MALRD1: variants seen among roughly 807,000 people sequenced by gnomAD.
MALRD1 encodes MAM and LDL receptor class A domain containing 1.
A neutral mutation model predicts 242.1 loss-of-function variants in MALRD1; 247 were observed. The observed-to-expected ratio is 1.02, with a 90% confidence interval of 0.92 to 1.13. MALRD1 has a LOEUF of 1.13. Among genes scored for constraint, MALRD1 ranks in the 50% most tolerant of loss-of-function variants. The probability of loss-of-function intolerance (pLI) is 0.00; values close to 1 mark genes in which losing one functional copy is unlikely to be tolerated. For missense variants in MALRD1, 2,989 were observed against 2,533.1 expected (o/e 1.18, Z -3.86); for synonymous variants, 995 against 866.6 (o/e 1.15, Z -2.60).
chr10:19,271,913 G>A (rs74392178), intron 19 of MALRD1, among the ~76,000 whole-genome samples: 3,548 of 152,158 alleles, frequency 0.023, 122 homozygotes, highest in East Asian at 0.17. Flanking sequence ...TGAGAGATGA[G>A]CAATGAGGGG....
chr10:19,556,426 C>G (rs1016047945), intron 32 of MALRD1, among the ~76,000 whole-genome samples: 1 of 152,066 alleles, frequency 6.6e-6, no homozygotes, highest in African/African-American at 2.4e-5. Flanking sequence ...TTTGCTCCAC[C>G]TATTTATCCC....
At chr10:19,162,989 T>A (rs564123052) in intron 12 of MALRD1, among the ~76,000 whole-genome samples, 2 of 150,696 alleles carry the variant, frequency 1.3e-5, no homozygotes, top group South Asian at 2.1e-4. Flanking sequence ...TAAAAAAAAA[T>A]TAGCTGGGTG....
chr10:19,189,806 A>T (rs1835895794), intron 14 of MALRD1, among the ~76,000 whole-genome samples: 1 of 152,100 alleles, frequency 6.6e-6, no homozygotes, highest in Non-Finnish European at 1.5e-5. Context: ...AATAAAAGGA[A>T]ACCACCTCAA....
chr10:19,569,987 C>T (rs1328451751), intron 33 of MALRD1, among the ~76,000 whole-genome samples: 3 of 151,724 alleles, frequency 2.0e-5, no homozygotes, highest in Admixed American at 6.6e-5. Context: ...AAATAACATA[C>T]TAACAATGAA....
intron 28 of MALRD1, among the ~76,000 whole-genome samples, chr10:19,439,033 A>G (rs1469639119): frequency 2.0e-5 from 3 of 151,182 alleles, no homozygotes; most frequent in African/African-American, 7.4e-5. Flanking sequence ...GAGGTCATAG[A>G]TATGTTTACA....
rs117242196 is a variant in MALRD1, at chr10:19,532,134, C to G, written c.5478+783C>G. Among the ~76,000 whole-genome samples the G allele has an allele frequency of 4.4e-3, 675 of 152,246 alleles. 7 individuals are homozygous for G. In the East Asian group the frequency reaches 0.058, roughly 13 times the overall value. On this transcript the variant is annotated intron_variant, in intron 32 of 39. Coordinates refer to ENST00000454679, the MANE Select transcript of MALRD1 (RefSeq NM_001142308.3). Reference sequence around the variant, plus strand: ...GTATCAATTTTAATTCTCACCTTCACCTGATGAGGTAAGTATATTTTTTCC... The same window carrying G: ...GTATCAATTTTAATTCTCACCTTCAGCTGATGAGGTAAGTATATTTTTTCC...
At chr10:19,089,273 GC>G (rs1835802381) in intron 4 of MALRD1, among the ~76,000 whole-genome samples, 1 of 26,148 alleles carries the variant, frequency 3.8e-5, no homozygotes, top group Non-Finnish European at 6.6e-5. Flanking sequence ...TTTAATGATT[GC>G]CATTCTAACT....
Position 19,699,871 on chromosome 10 carries a change from C to A in MALRD1, c.6314+7317C>A, listed in dbSNP as rs541043936. Among the ~76,000 whole-genome samples, 115 of 152,224 alleles carry A rather than the reference C, an allele frequency of 7.6e-4. 1 individual carries two copies. The Middle Eastern group carries it at 0.02, about 27-fold the overall frequency. On this transcript the variant is annotated intron_variant, in intron 38 of 39. Coordinates refer to ENST00000454679, the MANE Select transcript of MALRD1 (RefSeq NM_001142308.3). ...AGTCATGAGGGATCTGCTCCCATGA[C>A]ACAAACACCTCCCACCAGGCCCCAC...
chr10:19,471,122 A>C (rs1028237629), intron 29 of MALRD1, among the ~76,000 whole-genome samples: 7 of 151,708 alleles, frequency 4.6e-5, no homozygotes, highest in Non-Finnish European at 1.0e-4. Flanking sequence ...TTGTAAGATA[A>C]ATGTTCAGTT....
intron 26 of MALRD1, among the ~76,000 whole-genome samples, chr10:19,376,185 C>G (rs1845584337): frequency 6.6e-6 from 1 of 152,162 alleles, no homozygotes; most frequent in African/African-American, 2.4e-5. Flanking sequence ...GTTGATTTCA[C>G]TATTTAAAGA....
chr10:19,611,095 A>G (rs1258292811), intron 35 of MALRD1, among the ~76,000 whole-genome samples: 1 of 152,008 alleles, frequency 6.6e-6, no homozygotes, highest in Non-Finnish European at 1.5e-5. Flanking sequence ...TTAATACCTT[A>G]TACACACCAT....
chr10:19,282,429 T>A lies in MALRD1; in HGVS notation c.3257-590T>A, dbSNP rs765700975. On this transcript the variant is annotated intron_variant, in intron 20 of 39. Coordinates refer to ENST00000454679, the MANE Select transcript of MALRD1 (RefSeq NM_001142308.3). ...CATTGAATGAATATTTCTTTTTTAT[T>A]CAGCAGTGGAAGATTTTAGACACAT... 1.8e-3 allele frequency among the ~76,000 whole-genome samples: 275 copies of A among 152,320 alleles called. 8 individuals carry two copies. The highest frequency in any genetic ancestry group is 5.3e-4 in the Non-Finnish European group (36 of 68,024).
intron 31 of MALRD1, among the ~76,000 whole-genome samples, chr10:19,507,516 A>G (rs902787128): frequency 6.6e-6 from 1 of 151,990 alleles, no homozygotes; most frequent in African/African-American, 2.4e-5. Context: ...ACAATACATA[A>G]TAATAATAAT....
At chr10:19,660,352 C>T (rs1350282916) in intron 36 of MALRD1, among the ~76,000 whole-genome samples, 1 of 152,070 alleles carries the variant, frequency 6.6e-6, no homozygotes, top group Non-Finnish European at 1.5e-5. Context: ...ATTTTATGAC[C>T]AAAAACCAAA....
intron 38 of MALRD1, among the ~76,000 whole-genome samples, chr10:19,693,330 C>T (rs957517698): frequency 4.6e-5 from 7 of 151,886 alleles, no homozygotes; most frequent in African/African-American, 9.7e-5. Flanking sequence ...AAAACCCCAT[C>T]GTCTCAGCCC....
chr10:19,290,922 G>A (rs567477943), intron 21 of MALRD1, among the ~76,000 whole-genome samples: 3 of 152,184 alleles, frequency 2.0e-5, no homozygotes, highest in East Asian at 3.9e-4. Flanking sequence ...TACACAATTA[G>A]TTTAATTGGT....
intron 1 of MALRD1, among the ~76,000 whole-genome samples, chr10:19,064,400 T>C (rs1263308921): frequency 3.3e-5 from 5 of 152,150 alleles, no homozygotes; most frequent in South Asian, 2.1e-4. Flanking sequence ...CAAGGAAAAT[T>C]ATTCAAATTG....
At chr10:19,194,795 C>G (rs1056907150) in intron 14 of MALRD1, among the ~76,000 whole-genome samples, 1 of 152,140 alleles carries the variant, frequency 6.6e-6, no homozygotes, top group Non-Finnish European at 1.5e-5. Flanking sequence ...CTTAAATTCT[C>G]TCCATTCAGG....
At chr10:19,355,847 ATATATATATAT>A (rs1198851043) in intron 26 of MALRD1, among the ~76,000 whole-genome samples, 3 of 53,052 alleles carry the variant, frequency 5.7e-5, no homozygotes, top group African/African-American at 4.1e-4. Flanking sequence ...CATATATTAT[ATATATATATAT>A]TATATATGAT....
Sources: gnomAD v4.1 joint callset for allele counts (sites outside exome capture counted in the v4.1 genomes callset) on GRCh38, gnomAD v4.1.1 for gene constraint, MANE v1.5 for transcripts, NCBI Gene and HGNC (gene_info 2026-07-23, HGNC 2026-07-21) for gene names.